Variants in CLIC5 observed in about 807,000 individuals in gnomAD.
CLIC5 encodes the protein CLIC family member 5.
Under a neutral mutation model 24.7 loss-of-function variants are expected in CLIC5, and 20 were observed. The ratio of observed to expected loss-of-function variants is 0.81; its 90% CI spans 0.57 to 1.18. CLIC5 has a LOEUF of 1.18. CLIC5 is among the 50% of genes most tolerant of loss of function. The pLI, the probability that CLIC5 is intolerant of heterozygous loss-of-function variation, is 0.00. For missense variants in CLIC5, 341 were observed against 326.1 expected (o/e 1.05, Z -0.35); for synonymous variants, 159 against 135.6 (o/e 1.17, Z -1.20).
intron 3 of CLIC5, among the ~76,000 whole-genome samples, chr6:45,946,246 T>A (rs1764284708): frequency 6.6e-6 from 1 of 152,248 alleles, no homozygotes; most frequent in Admixed American, 6.5e-5. Flanking sequence ...AGGGCCAGAA[T>A]GTCTCAACAG....
chr6:46,087,329 A>G, the CLIC5 span, among the ~76,000 whole-genome samples: 1 of 152,172 alleles, frequency 6.6e-6, no homozygotes, highest in Admixed American at 6.5e-5. Flanking sequence ...CACTGAAACC[A>G]TCTTGTTTGA....
rs780962458 is a variant in CLIC5 at position 45,990,226 on chromosome 6, ATCTGAATGCTTCACCC to A, written c.63+25238_63+25253del. Among the ~76,000 whole-genome samples, 16 of 152,324 alleles carry A rather than the reference ATCTGAATGCTTCACCC, an allele frequency of 1.1e-4. No homozygotes were observed. In the East Asian group the frequency reaches 2.9e-3, roughly 28 times the overall value. On this transcript the variant is annotated intron_variant, in intron 1 of 5. Transcript: ENST00000339561. ...AAAACAAGGTAGACTTTTTGCACTCATCTGAATGCTTCACCCTCTGATTCACTGTAGGCAGCACCAA... is the reference window on the plus strand; with the variant it reads ...AAAACAAGGTAGACTTTTTGCACTCATCTGATTCACTGTAGGCAGCACCAA...
chr6:45,978,689 G>C (rs938176008), intron 1 of CLIC5, among the ~76,000 whole-genome samples: 1 of 152,208 alleles, frequency 6.6e-6, no homozygotes, highest in Non-Finnish European at 1.5e-5. Flanking sequence ...GGGCGCAGTG[G>C]CTCATGCCTG....
intron 5 of CLIC5, among the ~76,000 whole-genome samples, chr6:45,913,615 A>T (rs1762900623): frequency 6.6e-6 from 1 of 152,162 alleles, no homozygotes; most frequent in Admixed American, 6.5e-5. Context: ...ATGACCTCTA[A>T]ATGTCCTTTC....
chr6:46,019,180 A>G (rs910703235), upstream of CLIC5, among the ~76,000 whole-genome samples: 1 of 152,174 alleles, frequency 6.6e-6, no homozygotes. Context: ...AAAACTGATA[A>G]TAAAATGGTA....
At chr6:45,936,265 C>A (rs192885355) in intron 4 of CLIC5, among the ~76,000 whole-genome samples, 1 of 135,564 alleles carries the variant, frequency 7.4e-6, no homozygotes, top group Non-Finnish European at 1.5e-5. Context: ...AGTGCAATGA[C>A]GTGATCTCGG....
intron 2 of CLIC5, 90 bp from the exon 3 acceptor site, chr6:45,949,471 G>T: frequency 7.1e-7 from 1 of 1,407,886 alleles, no homozygotes; most frequent in Non-Finnish European, 9.7e-7. Flanking sequence ...TAGATGCCCT[G>T]TGCTATCCAA....
At position 45,902,840 on chromosome 6, in the gene CLIC5, C is replaced by G. The variant is rs947979027; in HGVS notation, c.*248G>C. On this transcript the variant is annotated 3_prime_UTR_variant, in exon 6 of 6. Transcript: ENST00000339561. Reference sequence around the variant, plus strand: ...TGACTGACCCCAAACATGCTGAGCCCAGATCAGGCTGGCCGGCCGAAAGGT... The same window carrying G: ...TGACTGACCCCAAACATGCTGAGCCGAGATCAGGCTGGCCGGCCGAAAGGT... The G allele has an allele frequency of 5.8e-6, 3 of 515,068 alleles. No homozygotes were observed. In the Admixed American group the frequency reaches 1.1e-4, roughly 19 times the overall value. The allele number at this position is 515,068 out of a possible 1,614,324, so 31.9% of individuals were successfully genotyped here. A position where few individuals can be genotyped will look rare whatever the true frequency, so the allele number is the denominator to read the frequency against.
chr6:46,016,124 G>GAAGGGGAAGAGGAAGGGGA (rs1335073936), upstream of CLIC5, among the ~76,000 whole-genome samples: 9 of 136,152 alleles, frequency 6.6e-5, no homozygotes, highest in East Asian at 2.1e-3. Context: ...GGGGAAAGGG[G>GAAGGGGAAGAGGAAGGGGA]AAGGGGAAGA....
At chr6:45,881,028 GTT>G in exon 7 of CLIC5, 1 of 389,908 alleles carries the variant, frequency 2.6e-6, no homozygotes, top group Middle Eastern at 6.4e-4. Context: ...AAACTCTTAG[GTT>G]TTTTTTTCTG....
chr6:45,919,056 A>G, intron 4 of CLIC5: 2 of 985,394 alleles, frequency 2.0e-6, no homozygotes, highest in Non-Finnish European at 2.4e-6. Flanking sequence ...TCTTCCTTAC[A>G]AGCTCCTAAC....
At chr6:45,960,573 C>T (rs956683877) in intron 1 of CLIC5, among the ~76,000 whole-genome samples, 1 of 152,136 alleles carries the variant, frequency 6.6e-6, no homozygotes, top group African/African-American at 2.4e-5. Flanking sequence ...CAGCATGCAA[C>T]CCCCCTGGCA....
At chr6:45,957,753 C>G (rs890514505) in intron 1 of CLIC5, among the ~76,000 whole-genome samples, 13 of 152,220 alleles carry the variant, frequency 8.5e-5, no homozygotes, top group Admixed American at 5.9e-4. Context: ...GGGTGTCCCT[C>G]TTTCAGCTTC....
intron 3 of CLIC5, 124 bp downstream of exon 3, chr6:45,949,132 G>T: frequency 1.6e-6 from 2 of 1,281,352 alleles, no homozygotes; most frequent in Non-Finnish European, 2.1e-6. Flanking sequence ...TGAAGAAAGG[G>T]TCCTGTTCTC....
intron 6 of CLIC5, among the ~76,000 whole-genome samples, chr6:45,885,808 A>C (rs1398562648): frequency 2.6e-5 from 4 of 152,200 alleles, no homozygotes; most frequent in Non-Finnish European, 5.9e-5. Flanking sequence ...ATATATATTC[A>C]AGAAGTTCAG....
At chr6:45,964,253 G>A (rs373513255) in intron 1 of CLIC5, among the ~76,000 whole-genome samples, 17 of 152,284 alleles carry the variant, frequency 1.1e-4, no homozygotes, top group East Asian at 7.7e-4. Context: ...TAAGGGCATT[G>A]TATAGACTCA....
chr6:46,010,236 A>G (rs1213059738), intron 1 of CLIC5, among the ~76,000 whole-genome samples: 2 of 152,186 alleles, frequency 1.3e-5, no homozygotes, highest in Admixed American at 1.3e-4. Context: ...GGGAAGCCCA[A>G]GGGCTTTACT....
At chr6:46,115,785 C>T in the CLIC5 span, among the ~76,000 whole-genome samples, 1 of 152,338 alleles carries the variant, frequency 6.6e-6, no homozygotes, top group African/African-American at 2.4e-5. Context: ...TCTAACAAAA[C>T]CAGTTACACC....
At chr6:45,937,857 G>A (rs1273951367) in intron 4 of CLIC5, among the ~76,000 whole-genome samples, 1 of 152,178 alleles carries the variant, frequency 6.6e-6, no homozygotes, top group African/African-American at 2.4e-5. Context: ...ATTTTACTTG[G>A]TGGTTCCTGT....
Sources: gnomAD v4.1 joint callset for allele counts (sites outside exome capture counted in the v4.1 genomes callset) on GRCh38, gnomAD v4.1.1 for gene constraint, MANE v1.5 for transcripts, NCBI Gene and HGNC (gene_info 2026-07-23, HGNC 2026-07-21) for gene names.